The following ATRNL1 variants were observed in gnomAD, a reference collection of about 807,000 sequenced individuals.
ATRNL1 encodes attractin like 1, also known as attractin-like protein 1.
Under a neutral mutation model 182.7 loss-of-function variants are expected in ATRNL1, and 95 were observed. The observed-to-expected ratio is 0.52, with a 90% CI of 0.44 to 0.62. ATRNL1 has a LOEUF of 0.62. Ranked by LOEUF, ATRNL1 falls within the 20% of genes least tolerant of loss-of-function variation. The pLI is 0.00. For missense variants in ATRNL1, 1,471 were observed against 1,679.5 expected (o/e 0.88, Z 2.17); for synonymous variants, 576 against 568.3 (o/e 1.01, Z -0.19).
intron 27 of ATRNL1, among the ~76,000 whole-genome samples, chr10:115,755,770 T>C (rs927897029): frequency 2.0e-5 from 3 of 152,194 alleles, no homozygotes; most frequent in African/African-American, 7.2e-5. Context: ...GTACCTCTGG[T>C]AGAATTTGGC....
intron 19 of ATRNL1, among the ~76,000 whole-genome samples, chr10:115,381,842 G>A (rs996294005): frequency 6.6e-6 from 1 of 151,718 alleles, no homozygotes; most frequent in Non-Finnish European, 1.5e-5. Context: ...TTATATTTAG[G>A]TGTCTTATGT....
intron 9 of ATRNL1, among the ~76,000 whole-genome samples, chr10:115,228,085 A>C (rs1421443307): frequency 6.6e-6 from 1 of 152,170 alleles, no homozygotes; most frequent in Non-Finnish European, 1.5e-5. Context: ...TAGAAATCTG[A>C]GTTCAATTTG....
At chr10:115,201,072 CTTGT>C (rs1848556478) in intron 8 of ATRNL1, among the ~76,000 whole-genome samples, 1 of 139,278 alleles carries the variant, frequency 7.2e-6, no homozygotes, top group South Asian at 2.3e-4. Flanking sequence ...TTTTGGTGGG[CTTGT>C]TTTTTTTTTT....
chr10:115,939,154 G>A (rs184514604), intron 28 of ATRNL1, among the ~76,000 whole-genome samples: 2 of 152,248 alleles, frequency 1.3e-5, no homozygotes, highest in Admixed American at 1.3e-4. Flanking sequence ...TTAAAAATAA[G>A]CTTTAAAAAT....
chr10:115,913,632 G>A (rs1022764779), intron 28 of ATRNL1, among the ~76,000 whole-genome samples: 2 of 152,186 alleles, frequency 1.3e-5, no homozygotes, highest in Non-Finnish European at 2.9e-5. Flanking sequence ...CTCATAGATG[G>A]CTTTCAGCTT....
At chr10:115,843,497 G>T (rs1438502652) in intron 27 of ATRNL1, among the ~76,000 whole-genome samples, 5 of 152,086 alleles carry the variant, frequency 3.3e-5, no homozygotes, top group Non-Finnish European at 7.4e-5. Context: ...ATTTGAGTTG[G>T]CTTTGAGGGA....
At chr10:115,398,456 C>T (rs1844394908) in intron 20 of ATRNL1, among the ~76,000 whole-genome samples, 3 of 151,846 alleles carry the variant, frequency 2.0e-5, no homozygotes, top group Admixed American at 2.0e-4. Context: ...TTCCTAGGCA[C>T]ACATAATTGT....
chr10:115,399,605 C>T (rs782300821), intron 20 of ATRNL1, among the ~76,000 whole-genome samples: 1 of 151,706 alleles, frequency 6.6e-6, no homozygotes, highest in African/African-American at 2.4e-5. Flanking sequence ...TTATTTTCTT[C>T]AAAAACCAGC....
At chr10:115,645,114 G>A (rs1030780402) in intron 26 of ATRNL1, among the ~76,000 whole-genome samples, 30 of 151,786 alleles carry the variant, frequency 2.0e-4, no homozygotes, top group African/African-American at 5.6e-4. Flanking sequence ...TTTATTTTTC[G>A]AAGAGACTCT....
At chr10:115,771,636 A>AT (rs1343113833) in intron 27 of ATRNL1, among the ~76,000 whole-genome samples, 4 of 152,206 alleles carry the variant, frequency 2.6e-5, no homozygotes, top group African/African-American at 4.8e-5. Context: ...TGAGTCTAAT[A>AT]TACCAGCGTT....
At position 115,925,267 on chromosome 10, in the gene ATRNL1, A is replaced by G. The variant is rs534279908; in HGVS notation, c.4019-19391A>G. Reference sequence around the variant, plus strand: ...TTTCTCTTGCCTGATTGCCCTGGCCAGAACTTCCAATACTATGTTGCATAA... The same window carrying G: ...TTTCTCTTGCCTGATTGCCCTGGCCGGAACTTCCAATACTATGTTGCATAA... On this transcript the variant is annotated intron_variant, in intron 28 of 28. Transcript: ENST00000355044. Among the ~76,000 whole-genome samples the G allele has an allele frequency of 8.5e-5, 13 of 152,238 alleles. No homozygotes were observed. The South Asian group carries it at 2.7e-3, about 32-fold the overall frequency.
chr10:115,846,524 C>T (rs1170886159), intron 27 of ATRNL1, among the ~76,000 whole-genome samples: 5 of 151,980 alleles, frequency 3.3e-5, no homozygotes, highest in Non-Finnish European at 7.4e-5. Flanking sequence ...TAATTAAAGC[C>T]GTGGTACTTA....
chr10:115,613,560 CCTT>C (rs1358366575), intron 26 of ATRNL1, among the ~76,000 whole-genome samples: 6 of 152,066 alleles, frequency 3.9e-5, no homozygotes, highest in Non-Finnish European at 7.4e-5. Context: ...AGAAAAAATT[CCTT>C]CTTCATCAGT....
At chr10:115,740,353 A>T (rs1351342490) in intron 27 of ATRNL1, among the ~76,000 whole-genome samples, 1 of 76,122 alleles carries the variant, frequency 1.3e-5, no homozygotes, top group African/African-American at 4.7e-5. Context: ...AAGGCTCTGG[A>T]TTTACCATTA....
chr10:115,349,088 T>C lies in ATRNL1; in HGVS notation c.3175+14669T>C, dbSNP rs1554940538. On this transcript the variant is annotated intron_variant, in intron 19 of 28. Coordinates refer to ENST00000355044, the MANE Select transcript of ATRNL1 (RefSeq NM_207303.4). ...TTTCTAACTGTATTTTTATACCCATTAACCATTTCTATTTATCCTCATCTC... is the reference window on the plus strand; with the variant it reads ...TTTCTAACTGTATTTTTATACCCATCAACCATTTCTATTTATCCTCATCTC... 3.9e-5 allele frequency among the ~76,000 whole-genome samples: 6 copies of C among 152,182 alleles called. No homozygotes were observed. The South Asian group carries it at 1.2e-3, about 31-fold the overall frequency.
At chr10:115,641,077 C>A (rs1555030205) in intron 26 of ATRNL1, among the ~76,000 whole-genome samples, 2 of 152,094 alleles carry the variant, frequency 1.3e-5, no homozygotes, top group South Asian at 2.1e-4. Context: ...CAGTTGCTTA[C>A]AACCACCAGT....
chr10:115,838,263 C>T (rs1555096113), intron 27 of ATRNL1, among the ~76,000 whole-genome samples: 3 of 152,144 alleles, frequency 2.0e-5, no homozygotes, highest in African/African-American at 4.8e-5. Context: ...AAGGCTACTC[C>T]GTCTACAAAC....
At chr10:115,730,848 T>G (rs12763584) in intron 27 of ATRNL1, among the ~76,000 whole-genome samples, 32 of 152,160 alleles carry the variant, frequency 2.1e-4, no homozygotes, top group Non-Finnish European at 3.7e-4. Context: ...CTTACATGAT[T>G]ACAAGGTCCC....
chr10:115,791,398 G>T (rs1180738511), intron 27 of ATRNL1, among the ~76,000 whole-genome samples: 4 of 152,018 alleles, frequency 2.6e-5, no homozygotes, highest in Admixed American at 6.6e-5. Context: ...CAAACACCTG[G>T]GTAAGCAAAC....
Sources: allele counts gnomAD v4.1 joint callset (sites outside exome capture counted in the v4.1 genomes callset), GRCh38; gene constraint gnomAD v4.1.1; transcripts MANE v1.5; gene names NCBI Gene and HGNC (gene_info 2026-07-23, HGNC 2026-07-21).